KIF13B: variants seen among roughly 807,000 people sequenced by gnomAD.
The protein encoded by KIF13B is kinesin family member 13B, also known as kinesin-like protein KIF13B.
In KIF13B, 127 loss-of-function variants were observed where a neutral mutation model predicts 222.0. That is an observed-to-expected ratio of 0.57 (90% CI 0.50 to 0.66). The LOEUF (loss-of-function observed/expected upper bound fraction) is 0.66, where lower values mean the gene tolerates loss of function less well. KIF13B is among the 30% of genes least tolerant of loss of function. The pLI, the probability that KIF13B is intolerant of heterozygous loss-of-function variation, is 0.00. For synonymous variants in KIF13B, 976 were observed against 919.0 expected, an observed-to-expected ratio of 1.06 and a Z score of -1.12; for missense variants, 2,173 against 2,379.0, an observed-to-expected ratio of 0.91 and a Z score of 1.80.
intron 18 of KIF13B, among the ~76,000 whole-genome samples, chr8:29,144,275 A>G (rs1586837199): frequency 6.6e-6 from 1 of 151,820 alleles, no homozygotes; most frequent in African/African-American, 2.4e-5. Flanking sequence ...GTTTTTTTTT[A>G]ATTGAGACAG....
intron 2 of KIF13B, among the ~76,000 whole-genome samples, chr8:29,199,407 T>A (rs1813585915): frequency 6.6e-6 from 1 of 151,732 alleles, no homozygotes; most frequent in Non-Finnish European, 1.5e-5. Flanking sequence ...ATACTTCAGG[T>A]TGTGAAGTGA....
rs371398948 is a variant in KIF13B at position 29,140,523 on chromosome 8, A to T, written c.2429T>A (p.Leu810His). 1.2e-6 allele frequency: 2 copies of T among 1,613,854 alleles called. No individual in the cohort carries two copies. Among genetic ancestry groups the T allele is most frequent in the African/African-American group, 1.3e-5 (1 of 74,924 alleles). Reference protein sequence around the residue: ...IGVANVFLESLFYDVKLQYAV... With the variant: ...IGVANVFLESHFYDVKLQYAV... Reference sequence around the variant, plus strand: ...GTATTGTAACTTCACATCATAGAAAAGTGACTCGAGGAAGACATTGGCCAC... The same window carrying T: ...GTATTGTAACTTCACATCATAGAAATGTGACTCGAGGAAGACATTGGCCAC... Residue 810 changes from leucine to histidine, a missense_variant, in exon 20 of 40, where the codon CTT becomes CAT. Coordinates refer to ENST00000524189, the MANE Select transcript of KIF13B (RefSeq NM_015254.4).
In KIF13B at chr8:29,109,616, T is replaced by C. The variant is rs115120200; in HGVS notation, c.4084-105A>G. 1,385 of 925,502 alleles carry C rather than the reference T, an allele frequency of 1.5e-3. 11 individuals carry two copies. The African/African-American group carries it at 0.018, about 12-fold the overall frequency. 57.3% of individuals were successfully genotyped at this position (925,502 alleles called of 1,614,324 possible). On this transcript the variant is annotated intron_variant, in intron 33 of 39. Transcript: ENST00000524189. ...CAACCCCCATCTATACAGACATTCC[T>C]AGCTATTTAAACAATGCTGTTACGT... is the stretch of plus-strand genomic sequence containing the variant.
At chr8:29,244,938 C>A (rs1013977367) in intron 2 of KIF13B, among the ~76,000 whole-genome samples, 4 of 152,278 alleles carry the variant, frequency 2.6e-5, no homozygotes, top group African/African-American at 7.2e-5. Context: ...GACATCACTG[C>A]GGGCTGCAGG....
At chr8:29,234,131 A>G (rs1202007503) in intron 2 of KIF13B, among the ~76,000 whole-genome samples, 2 of 152,186 alleles carry the variant, frequency 1.3e-5, no homozygotes. Flanking sequence ...ATGGTCTTGA[A>G]AAGTAATGTG....
chr8:29,194,901 A>T (rs1039555123), intron 3 of KIF13B, among the ~76,000 whole-genome samples: 1 of 152,166 alleles, frequency 6.6e-6, no homozygotes, highest in Non-Finnish European at 1.5e-5. Context: ...TTAAATCACC[A>T]GGCAATGGTT....
At chr8:29,165,904 T>TTCGACTGTAGATCGAAGTTCC in intron 11 of KIF13B, 132 bp from the exon 12 acceptor site, 1 of 567,658 alleles carries the variant, frequency 1.8e-6, no homozygotes, top group Non-Finnish European at 3.1e-6. Flanking sequence ...TGACATCTAC[T>TTCGACTGTAGATCGAAGTTCC]TCGATTGTAG....
At chr8:29,153,002 C>G (rs73558582) in intron 14 of KIF13B, among the ~76,000 whole-genome samples, 5,449 of 152,242 alleles carry the variant, frequency 0.036, 286 homozygotes, top group African/African-American at 0.11. Flanking sequence ...ACTTGCTTTA[C>G]TATGATATTT....
At chr8:29,126,997 A>G in intron 25 of KIF13B, 125 bp downstream of exon 25, 1 of 879,374 alleles carries the variant, frequency 1.1e-6, no homozygotes, top group Admixed American at 2.8e-5. Flanking sequence ...AAAAAAAGAC[A>G]GCAAAGGTAA....
chr8:29,167,639 A>G, intron 10 of KIF13B, 54 bp from the exon 11 acceptor site: 2 of 1,421,160 alleles, frequency 1.4e-6, no homozygotes, highest in Admixed American at 1.7e-5. Context: ...AGAAGACGTC[A>G]TATGAGAAAC....
chr8:29,125,770 T>C (rs1055747312), intron 26 of KIF13B, among the ~76,000 whole-genome samples: 40 of 148,854 alleles, frequency 2.7e-4, no homozygotes, highest in Middle Eastern at 7.3e-3. Context: ...AGATTCCAAA[T>C]GCTGTATGAT....
chr8:29,179,520 C>T (rs1232188714), intron 8 of KIF13B, among the ~76,000 whole-genome samples: 1 of 152,156 alleles, frequency 6.6e-6, no homozygotes, highest in Non-Finnish European at 1.5e-5. Context: ...ACTTCTGCTC[C>T]ACCTTCCTTT....
In KIF13B at chr8:29,250,021, T is replaced by C. The variant is rs1053494923; in HGVS notation, c.56-4582A>G. 5.4e-6 allele frequency: 7 copies of C among 1,289,126 alleles called. No individual in the cohort carries two copies. In the African/African-American group the frequency reaches 9.1e-5, roughly 17 times the overall value. 79.9% of individuals were successfully genotyped at this position (1,289,126 alleles called of 1,614,324 possible). A position where few individuals can be genotyped will look rare whatever the true frequency, so the allele number is the denominator to read the frequency against. ...CTCAGGCCCAGAGGTCCATGAGAGT[T>C]TCTTAAAACCACTGCTTAATGGAAT... On this transcript the variant is annotated intron_variant, in intron 1 of 39. Coordinates refer to ENST00000524189, the MANE Select transcript of KIF13B (RefSeq NM_015254.4).
chr8:29,132,378 C>A lies in KIF13B; in HGVS notation c.2872G>T (p.Asp958Tyr). 1.3e-6 allele frequency: 2 copies of A among 1,593,286 alleles called. No individual in the cohort carries two copies. Among genetic ancestry groups the A allele is most frequent in the East Asian group, 2.3e-5 (1 of 43,524 alleles). The stretch of plus-strand genomic sequence containing the variant: ...CACAGGGCGGGGTTTTTCCGGGGAT[C>A]GTTTATTTTATGTCCATATACTTCA... ...AIEVYGHKIN[D>Y]PRKNPALWDL... Residue 958 changes from aspartate (D) to tyrosine (Y), a missense_variant, in exon 23 of 40, where the codon GAT becomes TAT. Transcript: ENST00000524189.
rs1209004480 is a variant in KIF13B, at chr8:29,180,204, G to C, written c.620C>G (p.Ser207Cys). 3 of 1,613,660 alleles carry C rather than the reference G, an allele frequency of 1.9e-6. No individual in the cohort carries two copies. The highest frequency in any genetic ancestry group is 3.3e-5 in the Admixed American group (2 of 59,992). ...IESLMSEGNK[S>C]RTVAATNMNE... Reference sequence around the variant, plus strand: ...CATGTTGGTTGCAGCAACTGTGCGAGATTTGTTACCCTCAGACATCAACGA... The same window carrying C: ...CATGTTGGTTGCAGCAACTGTGCGACATTTGTTACCCTCAGACATCAACGA... Residue 207 changes from serine (S) to cysteine (C), a missense_variant, in exon 8 of 40, where the codon TCT becomes TGT. Ser to Cys is a moderately radical substitution (Grantham distance 112). This residue lies in a region of KIF13B where 1,480 missense variants were observed against 1,722.8 expected (regional missense o/e 0.86). Coordinates refer to ENST00000524189, the MANE Select transcript of KIF13B (RefSeq NM_015254.4).
intron 3 of KIF13B, 124 bp downstream of exon 3, chr8:29,196,063 C>T: frequency 2.4e-6 from 2 of 846,514 alleles, no homozygotes; most frequent in South Asian, 1.7e-5. Flanking sequence ...AGTAGGCTGA[C>T]AGCTTGCATT....
intron 32 of KIF13B, 24 bp from the exon 33 acceptor site, chr8:29,110,094 T>A: frequency 6.5e-7 from 1 of 1,549,042 alleles, no homozygotes; most frequent in Non-Finnish European, 8.7e-7. Context: ...AGTTATACAT[T>A]ATAAAAGCTT....
In KIF13B at chr8:29,071,793, GCGCCCGGGGCCGGCGC is replaced by G; in HGVS notation, c.5029_5044del (p.Ala1677ProfsTer36). The G allele has an allele frequency of 1.3e-6, 2 of 1,547,098 alleles. No homozygotes were observed. The highest frequency in any genetic ancestry group is 1.7e-6 in the Non-Finnish European group (2 of 1,146,338). On this transcript the variant is annotated frameshift_variant, in exon 39 of 40. Coordinates refer to ENST00000524189, the MANE Select transcript of KIF13B (RefSeq NM_015254.4). LOFTEE classifies it high-confidence loss of function. The surrounding 1 kb of genome is among the most constrained non-coding windows in gnomAD (Gnocchi z 4.9). ...ATCAGAGGCCAGGGCCTGTCCCCCG[GCGCCCGGGGCCGGCGC>G]ATTCCCCTCGGCCCCCGGGGAGCAG...
At chr8:29,196,549 A>G (rs959762590) in intron 2 of KIF13B, among the ~76,000 whole-genome samples, 5 of 152,094 alleles carry the variant, frequency 3.3e-5, no homozygotes, top group African/African-American at 1.2e-4. Flanking sequence ...TTACTTTTTT[A>G]TCATCTGGTT....
Sources: gnomAD v4.1 joint callset for allele counts (sites outside exome capture counted in the v4.1 genomes callset) on GRCh38, gnomAD v4.1.1 for gene constraint, gnomAD v4.1.1 regional missense constraint, Gnocchi (gnomAD v3.1) non-coding constraint, MANE v1.5 for transcripts, NCBI Gene and HGNC (gene_info 2026-07-23, HGNC 2026-07-21) for gene names.